SLC12A2: variants seen among roughly 807,000 people sequenced by gnomAD.
The protein encoded by SLC12A2 is Na-K-2Cl cotransporter 1.
SLC12A2 carries 67 observed loss-of-function variants against 136.3 expected under a neutral mutation model. That is an observed-to-expected ratio of 0.49 (90% CI 0.40 to 0.60). SLC12A2 has a LOEUF of 0.60. Among genes scored for constraint, SLC12A2 ranks in the 20% least tolerant of loss-of-function variants. SLC12A2 has a pLI of 0.00. For synonymous variants in SLC12A2, 619 were observed against 562.9 expected (o/e 1.10, Z -1.41); for missense variants, 1,322 against 1,534.7 (o/e 0.86, Z 2.32).
At position 128,155,460 on chromosome 5, in the gene SLC12A2, CTT is replaced by C. The variant is rs535086992; in HGVS notation, c.2364-2590_2364-2589del. ...ATATTTGGTATTTATATTTTTAAGACTTTTAAACATGCTGTAACAGCTGAGCC... is the reference window on the plus strand; with the variant it reads ...ATATTTGGTATTTATATTTTTAAGACTTAAACATGCTGTAACAGCTGAGCC... On this transcript the variant is annotated intron_variant, in intron 15 of 26. Coordinates refer to ENST00000262461, the MANE Select transcript of SLC12A2 (RefSeq NM_001046.3). Among the ~76,000 whole-genome samples the C allele has an allele frequency of 3.9e-5, 6 of 152,162 alleles. No homozygotes were observed. In the East Asian group the frequency reaches 1.2e-3, roughly 29 times the overall value.
chr5:128,187,935 G>A lies in SLC12A2; in HGVS notation c.*1304G>A, dbSNP rs976316483. On this transcript the variant is annotated 3_prime_UTR_variant, in exon 27 of 27. Transcript: ENST00000262461. Reference sequence around the variant, plus strand: ...TTTATAATTCAAGGAAGGATTTCCTGAAAACATTTCAAGGGATTTATGTCT... The same window carrying A: ...TTTATAATTCAAGGAAGGATTTCCTAAAAACATTTCAAGGGATTTATGTCT... The A allele has an allele frequency of 4.6e-5, 7 of 152,492 alleles. No individual in the cohort carries two copies. Among genetic ancestry groups the A allele is most frequent in the Admixed American group, 6.5e-5 (1 of 15,274 alleles). The allele number at this position is 152,492 out of a possible 1,614,324, so 9.4% of individuals were successfully genotyped here.
rs1454583593 is a variant in SLC12A2 at position 128,189,580 on chromosome 5, G to C, written c.*2949G>C. 6.6e-6 allele frequency: 1 copy of C among 152,584 alleles called. No homozygotes were observed. The highest frequency in any genetic ancestry group is 1.5e-5 in the Non-Finnish European group (1 of 68,014). The allele number at this position is 152,584 out of a possible 1,614,324, so 9.5% of individuals were successfully genotyped here. ...ATTTTGATAATACTGTAATATACCT[G>C]TCACACAAATGCTTTTCTAATGTTT... On this transcript the variant is annotated 3_prime_UTR_variant, in exon 27 of 27. Coordinates refer to ENST00000262461, the MANE Select transcript of SLC12A2 (RefSeq NM_001046.3).
At chr5:128,107,651 T>C (rs913805418) in intron 1 of SLC12A2, among the ~76,000 whole-genome samples, 12 of 152,232 alleles carry the variant, frequency 7.9e-5, no homozygotes, top group African/African-American at 2.9e-4. Context: ...CATAGTATTC[T>C]ATGTGTATAT....
Position 128,148,802 on chromosome 5 carries a change from G to A in SLC12A2, c.1930G>A (p.Gly644Ser). The A allele has an allele frequency of 1.2e-6, 2 of 1,608,232 alleles. No individual in the cohort carries two copies. Among genetic ancestry groups the A allele is most frequent in the East Asian group, 4.5e-5 (2 of 44,604 alleles). ...CCCAGCTTTCCAGATGTTTGCTAAA[G>A]GTTATGGGAAAAATAATGAACCTCT... is the stretch of plus-strand genomic sequence containing the variant. Reference protein sequence around the residue: ...IYPAFQMFAKGYGKNNEPLRG... With the variant: ...IYPAFQMFAKSYGKNNEPLRG... The change falls in exon 12 of 27, where the codon GGT (glycine) becomes AGT (serine). Residue 644 changes from glycine (G) to serine (S), a missense_variant. Physicochemically the swap from Gly to Ser is moderately conservative, Grantham distance 56. Coordinates refer to ENST00000262461, the MANE Select transcript of SLC12A2 (RefSeq NM_001046.3).
rs1411865032 is a variant in SLC12A2, at chr5:128,144,290, A to C, written c.1773+2309A>C. ...TATTTAAAGGAAGTAAACTTTTCAA[A>C]AATACTTTGTAAAGCGATACAACAT... On this transcript the variant is annotated intron_variant, in intron 10 of 26. Coordinates refer to ENST00000262461, the MANE Select transcript of SLC12A2 (RefSeq NM_001046.3). Among the ~76,000 whole-genome samples the C allele has an allele frequency of 3.9e-5, 6 of 152,198 alleles. 1 individual carries two copies. The highest frequency in any genetic ancestry group is 1.3e-4 in the Admixed American group (2 of 15,268).
chr5:128,116,781 T>C (rs1296309086), intron 4 of SLC12A2, among the ~76,000 whole-genome samples: 2 of 152,220 alleles, frequency 1.3e-5, no homozygotes, highest in African/African-American at 4.8e-5. Context: ...ATGGTCTTTA[T>C]AGAATATGTA....
chr5:128,145,169 A>G (rs572933516), intron 10 of SLC12A2, among the ~76,000 whole-genome samples: 1 of 152,216 alleles, frequency 6.6e-6, no homozygotes, highest in African/African-American at 2.4e-5. Context: ...ATTTACTTCA[A>G]TTTATAACTG....
Position 128,180,858 on chromosome 5 carries a change from G to T in SLC12A2, c.3101-25G>T. Reference sequence around the variant, plus strand: ...ATTAAGAAATTTGCATTTAGTAAATGATTTATTACATTTTTATAATTCAGG... The same window carrying T: ...ATTAAGAAATTTGCATTTAGTAAATTATTTATTACATTTTTATAATTCAGG... On this transcript the variant is annotated intron_variant, in intron 22 of 26. Coordinates refer to ENST00000262461, the MANE Select transcript of SLC12A2 (RefSeq NM_001046.3). 3.0e-6 allele frequency: 4 copies of T among 1,325,676 alleles called. No individual in the cohort carries two copies. In the South Asian group the frequency reaches 3.6e-5, roughly 12 times the overall value. The allele number at this position is 1,325,676 out of a possible 1,614,324, so 82.1% of individuals were successfully genotyped here. A position where few individuals can be genotyped will look rare whatever the true frequency, so the allele number is the denominator to read the frequency against.
At chr5:128,134,390 C>T in intron 6 of SLC12A2, 115 bp downstream of exon 6, 1 of 617,798 alleles carries the variant, frequency 1.6e-6, no homozygotes. Context: ...ACCTAAGTGG[C>T]CATTTTCACA....
At chr5:128,088,132 TAAGAG>T (rs1395732486) in intron 1 of SLC12A2, among the ~76,000 whole-genome samples, 1 of 151,710 alleles carries the variant, frequency 6.6e-6, no homozygotes, top group Non-Finnish European at 1.5e-5. Context: ...GAGTGGTAGA[TAAGAG>T]AACAGAAAAT....
At chr5:128,142,960 G>A (rs1352096674) in intron 10 of SLC12A2, among the ~76,000 whole-genome samples, 4 of 151,590 alleles carry the variant, frequency 2.6e-5, no homozygotes, top group Non-Finnish European at 5.9e-5. Context: ...AGATTTTGGT[G>A]CCCCTATCAC....
Position 128,138,923 on chromosome 5 carries a change from ATTTC to A in SLC12A2, c.1621+19_1621+22del. On this transcript the variant is annotated intron_variant, in intron 9 of 26. Coordinates refer to ENST00000262461, the MANE Select transcript of SLC12A2 (RefSeq NM_001046.3). The stretch of plus-strand genomic sequence containing the variant: ...AGTATCTGTAGGTAAATAGTTTCAC[ATTTC>A]TTTATGTGTCGCAGAAATTTCATGA... The A allele has an allele frequency of 6.4e-7, 1 of 1,554,182 alleles. No homozygotes were observed.
At position 128,158,962 on chromosome 5, in the gene SLC12A2, T is replaced by C. The variant is rs376461477; in HGVS notation, c.2475+798T>C. Among the ~76,000 whole-genome samples, 5 of 152,000 alleles carry C rather than the reference T, an allele frequency of 3.3e-5. No individual in the cohort carries two copies. In the South Asian group the frequency reaches 1.0e-3, roughly 31 times the overall value. On this transcript the variant is annotated intron_variant, in intron 16 of 26. Transcript: ENST00000262461. Reference sequence around the variant, plus strand: ...TTTTATGCTGTATATAATTTGTAATTTATAGGGCTTTCTAGATTGGAAATA... The same window carrying C: ...TTTTATGCTGTATATAATTTGTAATCTATAGGGCTTTCTAGATTGGAAATA...
intron 5 of SLC12A2, among the ~76,000 whole-genome samples, chr5:128,131,508 A>C (rs1278644845): frequency 6.6e-6 from 1 of 150,806 alleles, no homozygotes; most frequent in East Asian, 2.0e-4. Context: ...CCTGGCCAAC[A>C]TGGTGAAACC....
chr5:128,136,193 T>C (rs896445851), intron 7 of SLC12A2, among the ~76,000 whole-genome samples: 2 of 152,170 alleles, frequency 1.3e-5, no homozygotes, highest in East Asian at 3.8e-4. Context: ...AAAGCAATTA[T>C]TGGTATAATT....
intron 19 of SLC12A2, 62 bp from the exon 20 acceptor site, chr5:128,174,479 A>G: frequency 8.0e-7 from 1 of 1,248,990 alleles, no homozygotes; most frequent in Non-Finnish European, 1.1e-6. Flanking sequence ...CTAAACCATA[A>G]TGCCTTATTT....
In SLC12A2 at chr5:128,162,819, C is replaced by CA. The variant is rs1456517325; in HGVS notation, c.2616+1020dup. On this transcript the variant is annotated intron_variant, in intron 17 of 26. Transcript: ENST00000262461. ...TGACCCAAAATTAAGTCTGCCAATACAGAGTGTTAGAAATGGCATAGAGCA... is the reference window on the plus strand; with the variant it reads ...TGACCCAAAATTAAGTCTGCCAATACAAGAGTGTTAGAAATGGCATAGAGCA... 4.6e-5 allele frequency among the ~76,000 whole-genome samples: 7 copies of CA among 152,190 alleles called. No homozygotes were observed. The East Asian group carries it at 5.8e-4, about 13-fold the overall frequency.
At chr5:128,151,106 T>A (rs1762685298) in intron 13 of SLC12A2, 135 bp from the exon 14 acceptor site, 1 of 660,286 alleles carries the variant, frequency 1.5e-6, no homozygotes, top group Admixed American at 3.1e-5. Context: ...TACTATTCAA[T>A]ATTAGACTTA....
In SLC12A2 at chr5:128,182,370, C is replaced by G. The variant is rs1763731705; in HGVS notation, c.3213-485C>G. On this transcript the variant is annotated intron_variant, in intron 23 of 26. Coordinates refer to ENST00000262461, the MANE Select transcript of SLC12A2 (RefSeq NM_001046.3). ...TTGATGATCCTTTTCTACATCCTGT[C>G]CCAGTTCCTTCTTTCCCCAAAATGC... is the stretch of plus-strand genomic sequence containing the variant. 3.3e-5 allele frequency among the ~76,000 whole-genome samples: 5 copies of G among 152,192 alleles called. No homozygotes were observed. The South Asian group carries it at 1.0e-3, about 32-fold the overall frequency.
Sources: gnomAD v4.1 joint callset for allele counts (sites outside exome capture counted in the v4.1 genomes callset) on GRCh38, gnomAD v4.1.1 for gene constraint, MANE v1.5 for transcripts, NCBI Gene and HGNC (gene_info 2026-07-23, HGNC 2026-07-21) for gene names.